The following PLXDC2 variants were observed in gnomAD, a reference collection of about 807,000 sequenced individuals.
PLXDC2 encodes plexin domain containing 2, also known as plexin domain-containing protein 2.
A neutral mutation model predicts 68.9 loss-of-function variants in PLXDC2; 40 were observed. The observed-to-expected ratio is 0.58, with a 90% CI of 0.45 to 0.76. The LOEUF (loss-of-function observed/expected upper bound fraction) is 0.76. Among genes scored for constraint, PLXDC2 ranks in the 30% least tolerant of loss-of-function variants. PLXDC2 has a pLI of 0.00. For missense variants in PLXDC2, 644 were observed against 661.9 expected, an observed-to-expected ratio of 0.97 and a Z score of 0.30; for synonymous variants, 243 against 234.2, an observed-to-expected ratio of 1.04 and a Z score of -0.34.
At chr10:19,892,703 G>A (rs1465622734) in intron 1 of PLXDC2, among the ~76,000 whole-genome samples, 1 of 152,024 alleles carries the variant, frequency 6.6e-6, no homozygotes, top group Non-Finnish European at 1.5e-5. Flanking sequence ...TTATAGTTTC[G>A]GATTTCTTCT....
At chr10:20,147,415 G>C (rs749065437) in intron 5 of PLXDC2, among the ~76,000 whole-genome samples, 1 of 152,160 alleles carries the variant, frequency 6.6e-6, no homozygotes, top group Non-Finnish European at 1.5e-5. Flanking sequence ...CTCAGCATTT[G>C]TCAAATGTAT....
chr10:20,085,275 C>A (rs1380269681), intron 4 of PLXDC2, among the ~76,000 whole-genome samples: 1 of 151,972 alleles, frequency 6.6e-6, no homozygotes, highest in African/African-American at 2.4e-5. Flanking sequence ...TTGTGTGCAG[C>A]AGGTGGCTAG....
chr10:19,873,581 A>C (rs1270192119), intron 1 of PLXDC2, among the ~76,000 whole-genome samples: 3 of 152,032 alleles, frequency 2.0e-5, no homozygotes, highest in Non-Finnish European at 4.4e-5. Flanking sequence ...CACAGTTCCC[A>C]GCTAGAGTTA....
chr10:19,873,248 A>G (rs1484375978), intron 1 of PLXDC2, among the ~76,000 whole-genome samples: 1 of 152,160 alleles, frequency 6.6e-6, no homozygotes, highest in African/African-American at 2.4e-5. Context: ...CTTCTATGGG[A>G]TGCTGGCTGA....
intron 1 of PLXDC2, among the ~76,000 whole-genome samples, chr10:19,830,509 C>T (rs935304502): frequency 5.9e-5 from 9 of 152,178 alleles, no homozygotes; most frequent in Non-Finnish European, 7.3e-5. Flanking sequence ...GTGTGAACAT[C>T]TGATATTTCT....
At chr10:20,244,335 A>G (rs1264831114) in intron 12 of PLXDC2, among the ~76,000 whole-genome samples, 2 of 152,160 alleles carry the variant, frequency 1.3e-5, no homozygotes, top group African/African-American at 4.8e-5. Context: ...TTTGGTTAGG[A>G]TAGTTATTAC....
rs1047227908 is a variant in PLXDC2, at chr10:20,045,414, G to A, written c.325-1455G>A. 5.3e-5 allele frequency among the ~76,000 whole-genome samples: 8 copies of A among 152,150 alleles called. No homozygotes were observed. In the Middle Eastern group the frequency reaches 0.01, roughly 194 times the overall value. On this transcript the variant is annotated intron_variant, in intron 2 of 13. Transcript: ENST00000377252. ...TCAAATTCCTAACCTCAGGTGATCC[G>A]CCCGCCTTGGCTTCCCAAAGTGCTG...
chr10:20,266,352 A>G (rs1275008507), intron 13 of PLXDC2, among the ~76,000 whole-genome samples: 3 of 151,520 alleles, frequency 2.0e-5, no homozygotes, highest in Non-Finnish European at 4.4e-5. Context: ...TAAATTAATG[A>G]AATTGTTGGG....
At chr10:20,134,712 ACCG>A (rs1833912724) in intron 4 of PLXDC2, among the ~76,000 whole-genome samples, 2 of 152,108 alleles carry the variant, frequency 1.3e-5, no homozygotes, top group Admixed American at 6.5e-5. Flanking sequence ...ACTACTTTGT[ACCG>A]GGTGCCACAT....
intron 6 of PLXDC2, among the ~76,000 whole-genome samples, chr10:20,159,580 A>G (rs947427920): frequency 1.3e-5 from 2 of 152,166 alleles, no homozygotes; most frequent in East Asian, 1.9e-4. Flanking sequence ...TCCAAAATAA[A>G]GGAATGTCCT....
At chr10:19,837,440 G>A (rs1589493213) in intron 1 of PLXDC2, among the ~76,000 whole-genome samples, 1 of 144,926 alleles carries the variant, frequency 6.9e-6, no homozygotes, top group East Asian at 2.1e-4. Context: ...GTGTGTGTGT[G>A]TGTGTATGTG....
At chr10:19,940,180 AATTCTAC>A (rs1190080566) in intron 1 of PLXDC2, among the ~76,000 whole-genome samples, 2 of 152,018 alleles carry the variant, frequency 1.3e-5, no homozygotes, top group Admixed American at 6.5e-5. Context: ...ATGTCATACT[AATTCTAC>A]ATTCTGGGAG....
intron 1 of PLXDC2, among the ~76,000 whole-genome samples, chr10:19,976,731 T>C (rs950811815): frequency 6.6e-6 from 1 of 152,128 alleles, no homozygotes; most frequent in African/African-American, 2.4e-5. Flanking sequence ...TCTCCCCCTC[T>C]ATATTTTACT....
intron 1 of PLXDC2, among the ~76,000 whole-genome samples, chr10:19,925,493 A>G (rs1049047071): frequency 5.3e-5 from 8 of 152,246 alleles, no homozygotes; most frequent in Non-Finnish European, 8.8e-5. Context: ...CTTTGAAAAT[A>G]AGGCCACTAT....
chr10:19,877,994 C>A (rs958191500), intron 1 of PLXDC2, among the ~76,000 whole-genome samples: 5 of 152,138 alleles, frequency 3.3e-5, no homozygotes, highest in Non-Finnish European at 7.3e-5. Context: ...TAATGATCAA[C>A]CCTGATGAAT....
intron 1 of PLXDC2, among the ~76,000 whole-genome samples, chr10:19,986,893 C>A (rs1834650424): frequency 6.6e-6 from 1 of 152,154 alleles, no homozygotes; most frequent in African/African-American, 2.4e-5. Context: ...TTGAGTGGGA[C>A]TGGAGTTCAA....
At chr10:19,990,246 A>G (rs1834726001) in intron 1 of PLXDC2, among the ~76,000 whole-genome samples, 1 of 152,170 alleles carries the variant, frequency 6.6e-6, no homozygotes, top group South Asian at 2.1e-4. Context: ...ACTATATATC[A>G]AACATAATTT....
chr10:19,879,251 A>G (rs780522648), intron 1 of PLXDC2, among the ~76,000 whole-genome samples: 9 of 152,216 alleles, frequency 5.9e-5, no homozygotes, highest in Non-Finnish European at 1.3e-4. Flanking sequence ...AAGCCTGATT[A>G]CATTAGAAAT....
chr10:20,030,240 G>T (rs935436814), intron 2 of PLXDC2, among the ~76,000 whole-genome samples: 1 of 152,032 alleles, frequency 6.6e-6, no homozygotes. Context: ...CAAAAAACTG[G>T]ATGGCATTGT....
Sources: gnomAD v4.1 joint callset for allele counts (sites outside exome capture counted in the v4.1 genomes callset) on GRCh38, gnomAD v4.1.1 for gene constraint, MANE v1.5 for transcripts, NCBI Gene and HGNC (gene_info 2026-07-23, HGNC 2026-07-21) for gene names.